SLC35A5: variants seen among roughly 807,000 people sequenced by gnomAD.
The protein encoded by SLC35A5 is solute carrier family 35 member A5.
SLC35A5 carries 28 observed loss-of-function variants against 36.3 expected under a neutral mutation model. The ratio of observed to expected loss-of-function variants is 0.77; its 90% confidence interval spans 0.57 to 1.06. SLC35A5 has a LOEUF of 1.06. Among genes scored for constraint, SLC35A5 ranks in the 50% least tolerant of loss-of-function variants. The pLI is 0.00. For synonymous variants in SLC35A5, 180 were observed against 173.7 expected, an observed-to-expected ratio of 1.04 and a Z score of -0.29; for missense variants, 521 against 499.3, an observed-to-expected ratio of 1.04 and a Z score of -0.41.
In SLC35A5 at chr3:112,583,103, A is replaced by T; in HGVS notation, c.*367A>T. The stretch of plus-strand genomic sequence containing the variant: ...ATCAATTTGCCAAATATTCACAATC[A>T]TGTAGTTCTAGTTTACATGCCAAAG... On this transcript the variant is annotated 3_prime_UTR_variant, in exon 7 of 7. Coordinates refer to ENST00000492406, the MANE Select transcript of SLC35A5 (RefSeq NM_017945.5). 3 of 400,332 alleles carry T rather than the reference A, an allele frequency of 7.5e-6. No individual in the cohort carries two copies. The highest frequency in any genetic ancestry group is 1.3e-5 in the Non-Finnish European group (3 of 227,254). The allele number at this position is 400,332 out of a possible 1,614,324, so 24.8% of individuals were successfully genotyped here.
At chr3:112,571,975 G>A (rs949056964) in intron 4 of SLC35A5, among the ~76,000 whole-genome samples, 11 of 123,752 alleles carry the variant, frequency 8.9e-5, no homozygotes, top group African/African-American at 3.7e-4. Flanking sequence ...TTGCTCTGTC[G>A]CCCAGGCCGG....
At position 112,569,245 on chromosome 3, in the gene SLC35A5, G is replaced by C. The variant is rs1431258649; in HGVS notation, c.205G>C (p.Val69Leu). Residue 69 changes from valine to leucine, a missense_variant, in exon 3 of 7, where the codon GTG (valine) becomes CTG (leucine). Transcript: ENST00000492406. ...GGTGAAGCTAGTTTTCTGTGTGCTT[G>C]TGTCATTCTGTGTTATAAAGAAAGG... ...ELVKLVFCVL[V>L]SFCVIKKDHQ... 1.9e-6 allele frequency: 3 copies of C among 1,613,772 alleles called. No individual in the cohort carries two copies. The African/African-American group carries it at 4.0e-5, about 22-fold the overall frequency.
rs1321498780 is a variant in SLC35A5 at position 112,585,511 on chromosome 3, A to G, written c.*2775A>G. On this transcript the variant is annotated 3_prime_UTR_variant, in exon 7 of 7. Transcript: ENST00000492406. ...ACTTCACCATTATGCAATGTACCAT[A>G]TATACGCAATGTAACAAACCTGTAC... 1 of 152,126 alleles carries G rather than the reference A, an allele frequency of 6.6e-6. No individual in the cohort carries two copies. The highest frequency in any genetic ancestry group is 1.5e-5 in the Non-Finnish European group (1 of 68,030). 9.4% of individuals were successfully genotyped at this position (152,126 alleles called of 1,614,324 possible).
At chr3:112,561,481 A>G (rs143515266), upstream of SLC35A5, 43 of 1,612,414 alleles carry the variant, frequency 2.7e-5, no homozygotes, top group Admixed American at 3.0e-4. Context: ...TCAGGTACTC[A>G]GCCACTTCCA....
At chr3:112,561,333 G>T, upstream of SLC35A5, 1 of 969,502 alleles carries the variant, frequency 1.0e-6, no homozygotes, top group Non-Finnish European at 1.6e-6. Flanking sequence ...ACTTCCCTGT[G>T]TCTCGAGCCC....
intron 4 of SLC35A5, among the ~76,000 whole-genome samples, chr3:112,572,955 A>G (rs765541546): frequency 1.4e-4 from 21 of 152,210 alleles, no homozygotes; most frequent in South Asian, 1.0e-3. Flanking sequence ...CCTACAGAGA[A>G]GTACACTGAG....
intron 2 of SLC35A5, among the ~76,000 whole-genome samples, chr3:112,566,482 A>C (rs755480619): frequency 6.6e-6 from 1 of 152,268 alleles, no homozygotes; most frequent in Non-Finnish European, 1.5e-5. Context: ...GAGAGGACTC[A>C]TGCAGAATGA....
rs1291181521 is a variant in SLC35A5 at position 112,585,216 on chromosome 3, CAG to C, written c.*2481_*2482del. The C allele has an allele frequency of 2.6e-5, 4 of 151,700 alleles. No homozygotes were observed. Among genetic ancestry groups the C allele is most frequent in the Non-Finnish European group, 5.9e-5 (4 of 68,058 alleles). The allele number at this position is 151,700 out of a possible 1,614,324, so 9.4% of individuals were successfully genotyped here. A position where few individuals can be genotyped will look rare whatever the true frequency, so the allele number is the denominator to read the frequency against. Reference sequence around the variant, plus strand: ...AAGGCAGCAGGAGAGAGAGTGCCAACAGGGGAAATGGCAGATGCTTATAAAAC... The same window carrying C: ...AAGGCAGCAGGAGAGAGAGTGCCAACGGGAAATGGCAGATGCTTATAAAAC... On this transcript the variant is annotated 3_prime_UTR_variant, in exon 7 of 7. Transcript: ENST00000492406.
Position 112,581,176 on chromosome 3 carries a change from C to T in SLC35A5, c.1059C>T (p.Phe353=). ...ITTVSVLVFD[F]RPSLEFFLEA... ...CAGTGTCTGTCCTGGTCTTTGACTT[C>T]AGGCCCTCCCTGGAATTTTTCTTGG... is the stretch of plus-strand genomic sequence containing the variant. Residue 353 remains phenylalanine, a synonymous_variant, in exon 6 of 7, where the codon TTC becomes TTT. Transcript: ENST00000492406. The T allele has an allele frequency of 1.2e-6, 2 of 1,613,968 alleles. No individual in the cohort carries two copies. Among genetic ancestry groups the T allele is most frequent in the Non-Finnish European group, 1.7e-6 (2 of 1,179,944 alleles).
chr3:112,579,019 G>T (rs749232725), intron 5 of SLC35A5, among the ~76,000 whole-genome samples: 10 of 152,096 alleles, frequency 6.6e-5, no homozygotes, highest in Non-Finnish European at 1.2e-4. Flanking sequence ...TCTAGATCAG[G>T]CTATTTGAAA....
upstream of SLC35A5, chr3:112,561,372 GAGAAAGCGGGGACTC>G: frequency 7.0e-7 from 1 of 1,420,680 alleles, no homozygotes. Context: ...TGCCCCGCCG[GAGAAAGCGGGGACTC>G]CTGCGGCGCC....
At position 112,585,524 on chromosome 3, in the gene SLC35A5, A is replaced by G. The variant is rs1935115735; in HGVS notation, c.*2788A>G. 6.6e-6 allele frequency: 1 copy of G among 151,814 alleles called. No individual in the cohort carries two copies. 9.4% of individuals were successfully genotyped at this position (151,814 alleles called of 1,614,324 possible). A position where few individuals can be genotyped will look rare whatever the true frequency, so the allele number is the denominator to read the frequency against. ...GCAATGTACCATATATACGCAATGT[A>G]ACAAACCTGTACATGTACCCCTTCA... On this transcript the variant is annotated 3_prime_UTR_variant, in exon 7 of 7. Coordinates refer to ENST00000492406, the MANE Select transcript of SLC35A5 (RefSeq NM_017945.5).
intron 1 of SLC35A5, 109 bp downstream of exon 1, chr3:112,562,382 AG>A (rs1223272816): frequency 6.6e-6 from 1 of 152,296 alleles, no homozygotes; most frequent in Non-Finnish European, 1.5e-5. Flanking sequence ...CTGACTGTGA[AG>A]GGAAATCTGG....
chr3:112,577,888 ATG>A (rs1934740053), intron 5 of SLC35A5, among the ~76,000 whole-genome samples: 1 of 152,148 alleles, frequency 6.6e-6, no homozygotes, highest in African/African-American at 2.4e-5. Flanking sequence ...CTACTAAGAA[ATG>A]TGTTTTGTAC....
chr3:112,566,164 C>G (rs1229070283), intron 2 of SLC35A5, among the ~76,000 whole-genome samples: 1 of 152,162 alleles, frequency 6.6e-6, no homozygotes, highest in Non-Finnish European at 1.5e-5. Context: ...TAACATATAG[C>G]TCCAAGGTTT....
chr3:112,580,472 G>C, intron 5 of SLC35A5, 74 bp from the exon 6 acceptor site: 1 of 1,455,756 alleles, frequency 6.9e-7, no homozygotes, highest in East Asian at 2.4e-5. Context: ...ATACTCAAGT[G>C]TCTGAGTTTT....
chr3:112,568,872 C>T (rs1934312084), intron 2 of SLC35A5, among the ~76,000 whole-genome samples: 1 of 152,162 alleles, frequency 6.6e-6, no homozygotes, highest in Non-Finnish European at 1.5e-5. Context: ...GCCTCTGATG[C>T]CATGCCACAG....
chr3:112,573,540 T>C (rs71317509), intron 4 of SLC35A5, among the ~76,000 whole-genome samples: 98 of 152,236 alleles, frequency 6.4e-4, no homozygotes, highest in Admixed American at 1.6e-3. Flanking sequence ...TATGTGACCG[T>C]AGAAACAGTG....
At chr3:112,580,421 A>G in intron 5 of SLC35A5, 125 bp from the exon 6 acceptor site, 1 of 1,059,138 alleles carries the variant, frequency 9.4e-7, no homozygotes, top group Non-Finnish European at 1.3e-6. Context: ...CTTGAGTGGT[A>G]GGAAATGCTA....
Sources: allele counts gnomAD v4.1 joint callset (sites outside exome capture counted in the v4.1 genomes callset), GRCh38; gene constraint gnomAD v4.1.1; transcripts MANE v1.5; gene names NCBI Gene and HGNC (gene_info 2026-07-23, HGNC 2026-07-21).